Variants in SLIT1 observed in about 807,000 individuals in gnomAD.
SLIT1 encodes slit homolog 1 protein.
A neutral mutation model predicts 186.1 loss-of-function variants in SLIT1; 66 were observed. That is an observed-to-expected ratio of 0.35 (90% CI 0.29 to 0.44). The LOEUF is 0.44. Among genes scored for constraint, SLIT1 ranks in the 20% least tolerant of loss-of-function variants. The pLI is 1.00. For synonymous variants in SLIT1, 761 were observed against 833.8 expected (o/e 0.91, Z 1.50); for missense variants, 1,638 against 2,037.4 (o/e 0.80, Z 3.77).
At chr10:97,182,224 C>T (rs938199173) in intron 1 of SLIT1, among the ~76,000 whole-genome samples, 2 of 152,208 alleles carry the variant, frequency 1.3e-5, no homozygotes, top group African/African-American at 4.8e-5. Flanking sequence ...CACAGCAAAC[C>T]AATGACCATT....
chr10:97,130,332 C>G (rs1229080038), intron 4 of SLIT1, among the ~76,000 whole-genome samples: 1 of 152,206 alleles, frequency 6.6e-6, no homozygotes, highest in Non-Finnish European at 1.5e-5. Flanking sequence ...AAGTATTATT[C>G]ACAACAGCCA....
chr10:97,126,765 G>A (rs1849606868), intron 4 of SLIT1, among the ~76,000 whole-genome samples: 1 of 152,148 alleles, frequency 6.6e-6, no homozygotes, highest in Non-Finnish European at 1.5e-5. Flanking sequence ...GAGCTCACAG[G>A]CTGTTAGATC....
chr10:97,123,953 T>C (rs1849582663), intron 4 of SLIT1, among the ~76,000 whole-genome samples: 1 of 152,022 alleles, frequency 6.6e-6, no homozygotes, highest in African/African-American at 2.4e-5. Context: ...GTAGGATGTG[T>C]TCCAAGGAGT....
chr10:96,998,471 C>CTCT lies in SLIT1; in HGVS notation c.*2638_*2640dup, dbSNP rs1002643149. On this transcript the variant is annotated 3_prime_UTR_variant, in exon 37 of 37. Transcript: ENST00000266058. ...TCCCTCCGGACGCACCCTGCTGTAT[C>CTCT]TCTTCATGCCTAAAATGCAGAGCGA... 1 of 152,222 alleles carries CTCT rather than the reference C, an allele frequency of 6.6e-6. No homozygotes were observed. Among genetic ancestry groups the CTCT allele is most frequent in the African/African-American group, 2.4e-5 (1 of 41,452 alleles). 9.4% of individuals were successfully genotyped at this position (152,222 alleles called of 1,614,324 possible). A position where few individuals can be genotyped will look rare whatever the true frequency, so the allele number is the denominator to read the frequency against.
intron 13 of SLIT1, among the ~76,000 whole-genome samples, chr10:97,054,864 C>T (rs971192167): frequency 6.6e-6 from 1 of 152,204 alleles, no homozygotes; most frequent in African/African-American, 2.4e-5. Flanking sequence ...CCAACATAAA[C>T]CAACATCAGC....
Position 97,004,599 on chromosome 10 carries a change from G to A in SLIT1, c.3710+94C>T. 1 of 1,459,708 alleles carries A rather than the reference G, an allele frequency of 6.9e-7. No individual in the cohort carries two copies. Among genetic ancestry groups the A allele is most frequent in the Non-Finnish European group, 9.5e-7 (1 of 1,052,872 alleles). The allele number at this position is 1,459,708 out of a possible 1,614,324, so 90.4% of individuals were successfully genotyped here. On this transcript the variant is annotated intron_variant, in intron 33 of 36. Transcript: ENST00000266058. This position sits in a 1 kb window ranked among gnomAD's most constrained non-coding sequence, Gnocchi z 5.1. ...CAAACTCAGGCAGCCCAGGTTTCTA[G>A]AGGTCTCGATAACCACCTGCTTTTG... is the stretch of plus-strand genomic sequence containing the variant.
intron 1 of SLIT1, among the ~76,000 whole-genome samples, chr10:97,167,906 A>C (rs2134733092): frequency 6.6e-6 from 1 of 152,300 alleles, no homozygotes; most frequent in East Asian, 1.9e-4. Flanking sequence ...CCATGATTGT[A>C]AGTTTCCTGA....
intron 20 of SLIT1, 66 bp downstream of exon 20, chr10:97,042,835 C>T (rs925327069): frequency 4.5e-6 from 7 of 1,551,796 alleles, no homozygotes; most frequent in Non-Finnish European, 6.2e-6. Context: ...ATCTTCCTCA[C>T]CTGCCCCACC....
chr10:97,164,755 G>T (rs1331368353), intron 2 of SLIT1, 64 bp downstream of exon 2: 6 of 1,266,558 alleles, frequency 4.7e-6, no homozygotes, highest in Non-Finnish European at 6.9e-6. Flanking sequence ...CCACAGCCAG[G>T]GCCCTGCCCA....
intron 4 of SLIT1, among the ~76,000 whole-genome samples, chr10:97,142,439 A>T (rs945152263): frequency 2.6e-5 from 4 of 152,178 alleles, no homozygotes; most frequent in Non-Finnish European, 2.9e-5. Flanking sequence ...ATGAAGTTGG[A>T]CCCTTATCTG....
Position 97,060,134 on chromosome 10 carries a change from C to T in SLIT1, c.966G>A (p.Lys322=), listed in dbSNP as rs1287615218. The T allele has an allele frequency of 3.7e-6, 6 of 1,614,166 alleles. No homozygotes were observed. ...GTGAGAAGGCTCCAGGAGGGATGGA[C>T]TTGATGCCGTTCAGCTCCAGGCGTC... ...TEIRLELNGI[K]SIPPGAFSPY... The change falls in exon 10 of 37, where the codon AAG becomes AAA. Residue 322 remains lysine (K), a synonymous_variant. Transcript: ENST00000266058.
intron 4 of SLIT1, among the ~76,000 whole-genome samples, chr10:97,124,022 T>TGTA (rs973786951): frequency 1.3e-5 from 2 of 152,094 alleles, no homozygotes; most frequent in African/African-American, 4.8e-5. Flanking sequence ...TTCACATGTA[T>TGTA]GTAGGCTCAG....
chr10:97,001,329 G>T lies in SLIT1; in HGVS notation c.4388C>A (p.Pro1463His). Residue 1463 changes from proline to histidine, a missense_variant, in exon 37 of 37, where the codon CCT (proline) becomes CAT (histidine). Physicochemically the swap from Pro to His is moderately conservative, Grantham distance 77 (BLOSUM62 -2). This residue lies in a region of SLIT1 where 220 missense variants were observed against 211.3 expected (regional missense o/e 1.04). Transcript: ENST00000266058. ...CTGGACCTGGTGAAAGTCCCGGACA[G>T]GGTCCCCCCGGCACTCGGACTCTGG... ...CEQESECRGD[P>H]VRDFHQVQRG... 6.2e-7 allele frequency: 1 copy of T among 1,612,806 alleles called. No individual in the cohort carries two copies. Among genetic ancestry groups the T allele is most frequent in the Non-Finnish European group, 8.5e-7 (1 of 1,179,776 alleles).
intron 21 of SLIT1, 72 bp from the exon 22 acceptor site, chr10:97,037,838 C>T: frequency 2.3e-6 from 3 of 1,306,464 alleles, no homozygotes; most frequent in Admixed American, 1.9e-5. Context: ...GGACAGCCTT[C>T]CCTGCAGCCA....
chr10:97,046,875 C>A, intron 17 of SLIT1, 78 bp from the exon 18 acceptor site: 13 of 1,579,782 alleles, frequency 8.2e-6, no homozygotes, highest in Non-Finnish European at 1.1e-5. Flanking sequence ...GCAGGCAACA[C>A]CCCCACACAC....
At chr10:97,122,458 C>A (rs1273005229) in intron 4 of SLIT1, among the ~76,000 whole-genome samples, 1 of 152,160 alleles carries the variant, frequency 6.6e-6, no homozygotes, top group Non-Finnish European at 1.5e-5. Context: ...GGCAGAGGAA[C>A]CCCATCCAGC....
At position 97,004,036 on chromosome 10, in the gene SLIT1, CA is replaced by C; in HGVS notation, c.3865+31del. Reference sequence around the variant, plus strand: ...TCCTGGCTGGCCTCAGGCCAGACAGCAAAAGAGGCCCCGCCAGGGCCAGGTC... The same window carrying C: ...TCCTGGCTGGCCTCAGGCCAGACAGCAAAGAGGCCCCGCCAGGGCCAGGTC... On this transcript the variant is annotated intron_variant, in intron 34 of 36. Transcript: ENST00000266058. The surrounding 1 kb of genome is among the most constrained non-coding windows in gnomAD (Gnocchi z 5.1). 1 of 1,581,984 alleles carries C rather than the reference CA, an allele frequency of 6.3e-7. No homozygotes were observed. Among genetic ancestry groups the C allele is most frequent in the East Asian group, 2.3e-5 (1 of 44,280 alleles).
intron 4 of SLIT1, among the ~76,000 whole-genome samples, chr10:97,118,056 G>C (rs1453010137): frequency 6.6e-6 from 1 of 152,022 alleles, no homozygotes; most frequent in African/African-American, 2.4e-5. Context: ...CCAAATCTTT[G>C]CATTTACTAT....
At chr10:97,040,230 C>G (rs761807641) in intron 20 of SLIT1, 110 bp from the exon 21 acceptor site, 76 of 1,176,612 alleles carry the variant, frequency 6.5e-5, no homozygotes, top group Non-Finnish European at 8.0e-5. Flanking sequence ...ACCCCTCTGA[C>G]AGTACCTTGG....
Sources: gnomAD v4.1 joint callset for allele counts (sites outside exome capture counted in the v4.1 genomes callset) on GRCh38, gnomAD v4.1.1 for gene constraint, gnomAD v4.1.1 regional missense constraint, Gnocchi (gnomAD v3.1) non-coding constraint, MANE v1.5 for transcripts, NCBI Gene and HGNC (gene_info 2026-07-23, HGNC 2026-07-21) for gene names.